The following PGF variants were observed in gnomAD, a reference collection of about 807,000 sequenced individuals.
The protein encoded by PGF is placenta growth factor.
PGF carries 11 observed loss-of-function variants against 25.3 expected under a neutral mutation model. That is an observed-to-expected ratio of 0.43 (90% CI 0.27 to 0.72). The LOEUF (loss-of-function observed/expected upper bound fraction) is 0.72. Ranked by LOEUF, PGF falls within the 30% of genes least tolerant of loss-of-function variation. PGF has a pLI of 0.18. For synonymous variants in PGF, 105 were observed against 97.9 expected (o/e 1.07, Z -0.43); for missense variants, 230 against 234.9 (o/e 0.98, Z 0.14).
intron 6 of PGF, chr14:74,945,392 T>G (rs1888708290): frequency 6.6e-6 from 1 of 152,146 alleles, no homozygotes; most frequent in African/African-American, 2.4e-5. Context: ...AGAAAAGAGA[T>G]GAGAGCATAA....
chr14:74,944,172 G>A (rs576864034), intron 6 of PGF, among the ~76,000 whole-genome samples: 12 of 145,474 alleles, frequency 8.2e-5, no homozygotes, highest in East Asian at 2.0e-4. Flanking sequence ...GCGTGATCTC[G>A]GCTCACTGCA....
Position 74,955,483 on chromosome 14 carries a change from G to T in PGF, c.-241C>A. 2.6e-6 allele frequency: 1 copy of T among 384,564 alleles called. No homozygotes were observed. Among genetic ancestry groups the T allele is most frequent in the East Asian group, 3.7e-5 (1 of 26,858 alleles). The allele number at this position is 384,564 out of a possible 1,614,324, so 23.8% of individuals were successfully genotyped here. ...GCGGCCCGGCGGGGCGGGGCGCCGA[G>T]GGGCAGGCGGGTCCCGGGGATGGTC... On this transcript the variant is annotated 5_prime_UTR_variant, in exon 1 of 7. Transcript: ENST00000555567. This position sits in a 1 kb window ranked among gnomAD's most constrained non-coding sequence, Gnocchi z 4.1.
At chr14:74,944,269 A>ATT (rs564934530) in intron 6 of PGF, among the ~76,000 whole-genome samples, 5 of 151,210 alleles carry the variant, frequency 3.3e-5, no homozygotes, top group East Asian at 3.9e-4. Context: ...CACCCGGCTA[A>ATT]TTTTTTGTAT....
chr14:74,950,225 C>G lies in PGF; in HGVS notation c.119-672G>C, dbSNP rs561577883. Reference sequence around the variant, plus strand: ...AATAAAGTCCACCCGCCATTTTCCACGACCTGCCTCCCCACCTCCTCTTTG... The same window carrying G: ...AATAAAGTCCACCCGCCATTTTCCAGGACCTGCCTCCCCACCTCCTCTTTG... On this transcript the variant is annotated intron_variant, in intron 2 of 6. Coordinates refer to ENST00000555567, the MANE Select transcript of PGF (RefSeq NM_002632.6). This position sits in a 1 kb window ranked among gnomAD's most constrained non-coding sequence, Gnocchi z 4.1. Among the ~76,000 whole-genome samples, 1 of 152,220 alleles carries G rather than the reference C, an allele frequency of 6.6e-6. No individual in the cohort carries two copies. The highest frequency in any genetic ancestry group is 1.5e-5 in the Non-Finnish European group (1 of 68,042).
Position 74,946,236 on chromosome 14 carries a change from C to A in PGF, c.462G>T (p.Lys154Asn). ...PKGRGKRRRE[K>N]QRPTDCHLCG... ...ACAGGTGGCAGTCTGTGGGTCTCTG[C>A]TTCTCTCTCCTCCTCTTCCCCCTGC... Residue 154 changes from lysine (K) to asparagine (N), a missense_variant, in exon 6 of 7, where the codon AAG becomes AAT. By Grantham distance (94) the Lys-to-Asn change is moderately conservative. Transcript: ENST00000555567. 6.2e-7 allele frequency: 1 copy of A among 1,614,146 alleles called. No homozygotes were observed. The highest frequency in any genetic ancestry group is 8.5e-7 in the Non-Finnish European group (1 of 1,180,004).
chr14:74,949,859 A>G (rs1013822948), intron 2 of PGF, among the ~76,000 whole-genome samples: 2 of 152,198 alleles, frequency 1.3e-5, no homozygotes, highest in Admixed American at 6.5e-5. Context: ...GCAGCTACCC[A>G]GGCCCTCTGG....
chr14:74,953,185 G>A lies in PGF; in HGVS notation c.118+719C>T, dbSNP rs1263997060. On this transcript the variant is annotated intron_variant, in intron 2 of 6. Coordinates refer to ENST00000555567, the MANE Select transcript of PGF (RefSeq NM_002632.6). The surrounding 1 kb of genome is among the most constrained non-coding windows in gnomAD (Gnocchi z 5.4). ...CCCAGCACGCAGATGGCTATCACGCGTGTGCGTGTGCATGTCCCTACATGC... is the reference window on the plus strand; with the variant it reads ...CCCAGCACGCAGATGGCTATCACGCATGTGCGTGTGCATGTCCCTACATGC... 1.3e-5 allele frequency among the ~76,000 whole-genome samples: 2 copies of A among 152,220 alleles called. No homozygotes were observed. The highest frequency in any genetic ancestry group is 2.1e-4 in the South Asian group (1 of 4,834).
chr14:74,951,043 CA>C (rs1477331412), intron 2 of PGF, among the ~76,000 whole-genome samples: 1 of 152,224 alleles, frequency 6.6e-6, no homozygotes, highest in Non-Finnish European at 1.5e-5. Context: ...AAATAAACTT[CA>C]GTCCTAGCAG....
rs373334412 is a variant in PGF at position 74,948,281 on chromosome 14, A to G, written c.392+226T>C. 18 of 449,172 alleles carry G rather than the reference A, an allele frequency of 4.0e-5. 1 individual carries two copies. The highest frequency in any genetic ancestry group is 3.8e-4 in the South Asian group (9 of 23,480). 27.8% of individuals were successfully genotyped at this position (449,172 alleles called of 1,614,324 possible). A position where few individuals can be genotyped will look rare whatever the true frequency, so the allele number is the denominator to read the frequency against. ...TCCCTTGCAGTATCTCAACAGCTGT[A>G]CCCCAGCTGCTGGGACCAGCTCCCT... On this transcript the variant is annotated intron_variant, in intron 4 of 6. Transcript: ENST00000555567.
intron 4 of PGF, 158 bp downstream of exon 4, chr14:74,948,349 C>T (rs998360092): frequency 1.9e-6 from 1 of 513,898 alleles, no homozygotes; most frequent in Non-Finnish European, 3.5e-6. Context: ...ATGGTAGCCA[C>T]CCCTGGTCCT....
intron 6 of PGF, 65 bp from the exon 7 acceptor site, chr14:74,942,798 A>G (rs2140399393): frequency 1.4e-6 from 2 of 1,460,504 alleles, no homozygotes; most frequent in African/African-American, 2.9e-5. Context: ...GTCTCCTCCT[A>G]TGGAGGAGGG....
chr14:74,954,628 A>G (rs955574723), intron 1 of PGF, among the ~76,000 whole-genome samples: 3 of 152,042 alleles, frequency 2.0e-5, no homozygotes, highest in African/African-American at 7.2e-5. Flanking sequence ...CCCTGCACTC[A>G]GGACCTCCGG....
chr14:74,942,220 G>C lies in PGF; in HGVS notation c.*486C>G, dbSNP rs780248096. The C allele has an allele frequency of 2.9e-5, 5 of 170,326 alleles. No individual in the cohort carries two copies. Among genetic ancestry groups the C allele is most frequent in the Admixed American group, 6.3e-5 (1 of 15,776 alleles). The allele number at this position is 170,326 out of a possible 1,614,324, so 10.6% of individuals were successfully genotyped here. ...GAATGTTCTGATCTTCAGAAGAAGA[G>C]GGGGAAGTGGCTGGATCCCCTCCGC... On this transcript the variant is annotated 3_prime_UTR_variant, in exon 7 of 7. Coordinates refer to ENST00000555567, the MANE Select transcript of PGF (RefSeq NM_002632.6).
At chr14:74,945,749 T>C in intron 6 of PGF, 1 of 160,206 alleles carries the variant, frequency 6.2e-6, no homozygotes, top group Non-Finnish European at 1.4e-5. Context: ...TGGGAGACAG[T>C]GGCGAGGGGC....
chr14:74,951,751 C>T (rs1888876899), intron 2 of PGF, among the ~76,000 whole-genome samples: 1 of 152,224 alleles, frequency 6.6e-6, no homozygotes, highest in African/African-American at 2.4e-5. Flanking sequence ...ACTTTCCCAG[C>T]CCTGTGGCCG....
At position 74,950,039 on chromosome 14, in the gene PGF, A is replaced by C. The variant is rs1566858600; in HGVS notation, c.119-486T>G. ...TCTGTGCCAGCTCCTCTGCCTGGCAACCAAGACCACATCCAGCAATGTGGC... is the reference window on the plus strand; with the variant it reads ...TCTGTGCCAGCTCCTCTGCCTGGCACCCAAGACCACATCCAGCAATGTGGC... On this transcript the variant is annotated intron_variant, in intron 2 of 6. Coordinates refer to ENST00000555567, the MANE Select transcript of PGF (RefSeq NM_002632.6). This position sits in a 1 kb window ranked among gnomAD's most constrained non-coding sequence, Gnocchi z 4.1. 6.6e-6 allele frequency among the ~76,000 whole-genome samples: 1 copy of C among 152,058 alleles called. No homozygotes were observed. The highest frequency in any genetic ancestry group is 1.5e-5 in the Non-Finnish European group (1 of 68,000).
chr14:74,952,881 A>T (rs1391171047), intron 2 of PGF, among the ~76,000 whole-genome samples: 1 of 152,234 alleles, frequency 6.6e-6, no homozygotes, highest in African/African-American at 2.4e-5. Context: ...TACAGATGAG[A>T]AAACTGAGGC....
rs1888627647 is a variant in PGF at position 74,942,626 on chromosome 14, T to C, written c.*80A>G. Reference sequence around the variant, plus strand: ...AGTTGGCTAATAAATAGAGGGCAGGTACCAGCAGGAGTCACTGAAGAGTGT... The same window carrying C: ...AGTTGGCTAATAAATAGAGGGCAGGCACCAGCAGGAGTCACTGAAGAGTGT... On this transcript the variant is annotated 3_prime_UTR_variant, in exon 7 of 7. Coordinates refer to ENST00000555567, the MANE Select transcript of PGF (RefSeq NM_002632.6). The C allele has an allele frequency of 2.2e-6, 3 of 1,342,370 alleles. No individual in the cohort carries two copies. In the South Asian group the frequency reaches 3.6e-5, roughly 16 times the overall value. The allele number at this position is 1,342,370 out of a possible 1,614,324, so 83.2% of individuals were successfully genotyped here.
At chr14:74,946,609 A>C (rs1163701365) in intron 4 of PGF, 2 of 630,898 alleles carry the variant, frequency 3.2e-6, no homozygotes, top group Non-Finnish European at 5.7e-6. Flanking sequence ...GGCTCTGGTG[A>C]CCCCACCACG....
Sources: gnomAD v4.1 joint callset for allele counts (sites outside exome capture counted in the v4.1 genomes callset) on GRCh38, gnomAD v4.1.1 for gene constraint, Gnocchi (gnomAD v3.1) non-coding constraint, MANE v1.5 for transcripts, NCBI Gene and HGNC (gene_info 2026-07-23, HGNC 2026-07-21) for gene names.